The following ARHGAP24 variants were observed in gnomAD, a reference collection of about 807,000 sequenced individuals.
ARHGAP24 encodes rho GTPase-activating protein 24.
A neutral mutation model predicts 76.4 loss-of-function variants in ARHGAP24; 50 were observed. That is an observed-to-expected ratio of 0.65 (90% confidence interval 0.52 to 0.83). The LOEUF (loss-of-function observed/expected upper bound fraction) is 0.83, where lower values mean the gene tolerates loss of function less well. Ranked by LOEUF, ARHGAP24 falls within the 40% of genes least tolerant of loss-of-function variation. ARHGAP24 has a pLI of 0.00. For missense variants in ARHGAP24, 930 were observed against 914.2 expected, an observed-to-expected ratio of 1.02 and a Z score of -0.22; for synonymous variants, 345 against 323.3, an observed-to-expected ratio of 1.07 and a Z score of -0.72.
intron 1 of ARHGAP24, among the ~76,000 whole-genome samples, chr4:85,517,667 A>G (rs891318176): frequency 3.9e-5 from 6 of 152,026 alleles, no homozygotes; most frequent in Non-Finnish European, 7.4e-5. Flanking sequence ...TAAAAATACT[A>G]TTCCTTCATC....
At chr4:85,858,349 T>G (rs1201785406) in intron 3 of ARHGAP24, among the ~76,000 whole-genome samples, 1 of 152,190 alleles carries the variant, frequency 6.6e-6, no homozygotes, top group Non-Finnish European at 1.5e-5. Context: ...TGCTATTTGT[T>G]TAAACAATTT....
intron 3 of ARHGAP24, among the ~76,000 whole-genome samples, chr4:85,885,847 G>A (rs1481637627): frequency 6.6e-6 from 1 of 151,854 alleles, no homozygotes; most frequent in African/African-American, 2.4e-5. Flanking sequence ...AGATTATGTT[G>A]GTTGATACTT....
intron 2 of ARHGAP24, among the ~76,000 whole-genome samples, chr4:85,644,028 T>C (rs1192930362): frequency 1.3e-5 from 2 of 152,188 alleles, no homozygotes; most frequent in African/African-American, 4.8e-5. Flanking sequence ...TAAAACTACA[T>C]GCAATAATAT....
chr4:85,641,454 T>C (rs556839057), intron 2 of ARHGAP24, among the ~76,000 whole-genome samples: 1 of 152,222 alleles, frequency 6.6e-6, no homozygotes, highest in Non-Finnish European at 1.5e-5. Flanking sequence ...TTTTCAGGGT[T>C]GATTCCTTCT....
At chr4:85,524,219 CATTCTGTA>C (rs1481540927) in intron 1 of ARHGAP24, among the ~76,000 whole-genome samples, 4 of 152,126 alleles carry the variant, frequency 2.6e-5, no homozygotes, top group African/African-American at 9.7e-5. Context: ...CCAACCCCAC[CATTCTGTA>C]CCACTGAATC....
intron 5 of ARHGAP24, among the ~76,000 whole-genome samples, chr4:85,969,789 T>C (rs1738851102): frequency 6.6e-6 from 1 of 152,148 alleles, no homozygotes; most frequent in Non-Finnish European, 1.5e-5. Context: ...ATTGAGACTA[T>C]TTTAGGTCTG....
At chr4:85,969,565 G>A (rs146566327) in intron 5 of ARHGAP24, among the ~76,000 whole-genome samples, 2 of 152,214 alleles carry the variant, frequency 1.3e-5, no homozygotes, top group Non-Finnish European at 2.9e-5. Context: ...AGTCATGATG[G>A]TAGATTGGGT....
chr4:85,757,314 C>T (rs1318715551), intron 3 of ARHGAP24, among the ~76,000 whole-genome samples: 2 of 151,302 alleles, frequency 1.3e-5, no homozygotes, highest in East Asian at 2.0e-4. Flanking sequence ...TGTGCTGCAC[C>T]CATTAACTCG....
chr4:85,553,995 G>C (rs1726250493), intron 1 of ARHGAP24, among the ~76,000 whole-genome samples: 1 of 152,140 alleles, frequency 6.6e-6, no homozygotes, highest in South Asian at 2.1e-4. Context: ...AGAACCTTTT[G>C]TAAGGCATGT....
intron 2 of ARHGAP24, among the ~76,000 whole-genome samples, chr4:85,635,892 C>G: frequency 6.6e-6 from 1 of 151,952 alleles, no homozygotes; most frequent in South Asian, 2.1e-4. Context: ...AATTTCCCTA[C>G]GCATTTCCTT....
intron 5 of ARHGAP24, among the ~76,000 whole-genome samples, chr4:85,944,856 C>CT (rs1737160492): frequency 6.6e-6 from 1 of 151,480 alleles, no homozygotes; most frequent in Non-Finnish European, 1.5e-5. Context: ...TTTTTTCTTC[C>CT]TTTTTTTTGA....
At chr4:85,949,234 C>T (rs1245249415) in intron 5 of ARHGAP24, among the ~76,000 whole-genome samples, 1 of 152,184 alleles carries the variant, frequency 6.6e-6, no homozygotes, top group Non-Finnish European at 1.5e-5. Context: ...GGTTCCAATA[C>T]TAATACCCAA....
chr4:85,694,195 C>G (rs976443243), intron 2 of ARHGAP24, among the ~76,000 whole-genome samples: 7 of 151,926 alleles, frequency 4.6e-5, no homozygotes, highest in Non-Finnish European at 5.9e-5. Context: ...GTGGGAGCAG[C>G]ACTTTCTTGT....
intron 3 of ARHGAP24, among the ~76,000 whole-genome samples, chr4:85,846,622 A>G (rs1730903928): frequency 3.3e-5 from 5 of 152,218 alleles, no homozygotes; most frequent in Admixed American, 3.3e-4. Context: ...CAGACATCGC[A>G]TAGTGGTTAT....
In ARHGAP24 at chr4:85,949,666, G is replaced by T. The variant is rs189706308; in HGVS notation, c.599+7393G>T. Among the ~76,000 whole-genome samples, 20 of 152,258 alleles carry T rather than the reference G, an allele frequency of 1.3e-4. 1 individual carries two copies. The East Asian group carries it at 3.9e-3, about 29-fold the overall frequency. Reference sequence around the variant, plus strand: ...ACCTTTAAGGAGTAGGCCCAGAACTGGTGCGATGTCACATCCACTGCATAC... The same window carrying T: ...ACCTTTAAGGAGTAGGCCCAGAACTTGTGCGATGTCACATCCACTGCATAC... On this transcript the variant is annotated intron_variant, in intron 5 of 9. Coordinates refer to ENST00000395184, the MANE Select transcript of ARHGAP24 (RefSeq NM_001025616.3).
chr4:85,663,347 G>A (rs1406797407), intron 2 of ARHGAP24, among the ~76,000 whole-genome samples: 1 of 128,838 alleles, frequency 7.8e-6, no homozygotes, highest in Admixed American at 8.0e-5. Context: ...AAGAATGCTT[G>A]TGATTTTTGT....
intron 8 of ARHGAP24, among the ~76,000 whole-genome samples, chr4:85,987,410 A>G (rs1409666522): frequency 6.6e-6 from 1 of 152,046 alleles, no homozygotes; most frequent in Non-Finnish European, 1.5e-5. Context: ...AAAGCCCACA[A>G]TGTTTTCCAT....
intron 2 of ARHGAP24, among the ~76,000 whole-genome samples, chr4:85,598,344 A>G (rs1420885728): frequency 1.3e-5 from 2 of 152,082 alleles, no homozygotes; most frequent in African/African-American, 2.4e-5. Context: ...ATTACTCATT[A>G]CATTTAGATA....
intron 5 of ARHGAP24, among the ~76,000 whole-genome samples, chr4:85,957,474 C>A (rs1390453944): frequency 2.0e-5 from 3 of 152,178 alleles, no homozygotes; most frequent in Admixed American, 2.0e-4. Context: ...TGTGCTGGTA[C>A]CATTTTAACA....
Sources: gnomAD v4.1 joint callset for allele counts (sites outside exome capture counted in the v4.1 genomes callset) on GRCh38, gnomAD v4.1.1 for gene constraint, MANE v1.5 for transcripts, NCBI Gene and HGNC (gene_info 2026-07-23, HGNC 2026-07-21) for gene names.